SOX5: variants seen among roughly 807,000 people sequenced by gnomAD.
SOX5 encodes SRY-box transcription factor 5, also known as transcription factor SOX-5.
SOX5 carries 9 observed loss-of-function variants against 92.0 expected under a neutral mutation model. The observed-to-expected ratio is 0.10, with a 90% CI of 0.06 to 0.17. The LOEUF is 0.17. Among genes scored for constraint, SOX5 ranks in the 10% least tolerant of loss-of-function variants. The pLI is 1.00. For missense variants in SOX5, 642 were observed against 944.5 expected (o/e 0.68, Z 4.20); for synonymous variants, 344 against 336.3 (o/e 1.02, Z -0.25).
chr12:23,975,408 G>C (rs1368498061), intron 4 of SOX5, among the ~76,000 whole-genome samples: 1 of 151,950 alleles, frequency 6.6e-6, no homozygotes, highest in South Asian at 2.1e-4. Flanking sequence ...AGGGTCCTGT[G>C]TATTCTTCAT....
intron 1 of SOX5, among the ~76,000 whole-genome samples, chr12:24,384,870 A>G (rs144080976): frequency 0.024 from 3,693 of 152,302 alleles, 73 homozygotes; most frequent in East Asian, 0.05. Context: ...GGATGGTTAC[A>G]CAGATTCTGC....
chr12:23,890,805 T>G (rs2097123178), intron 2 of SOX5, among the ~76,000 whole-genome samples: 1 of 146,034 alleles, frequency 6.8e-6, no homozygotes, highest in African/African-American at 2.6e-5. Context: ...GCCTCCAAAG[T>G]CAAGTTGAAA....
chr12:24,415,275 T>C (rs1165044531), intron 1 of SOX5, among the ~76,000 whole-genome samples: 7 of 152,154 alleles, frequency 4.6e-5, no homozygotes, highest in East Asian at 1.9e-4. Flanking sequence ...AGGAAGAAAG[T>C]ATATTAATCC....
chr12:24,511,845 C>G (rs1024932920), intron 1 of SOX5, among the ~76,000 whole-genome samples: 4 of 151,516 alleles, frequency 2.6e-5, no homozygotes, highest in Admixed American at 2.0e-4. Flanking sequence ...GTAGTCCCAG[C>G]TACTCGGGAG....
chr12:24,472,653 G>A (rs900046465), intron 1 of SOX5, among the ~76,000 whole-genome samples: 2 of 152,134 alleles, frequency 1.3e-5, no homozygotes, highest in Non-Finnish European at 2.9e-5. Flanking sequence ...AGCTAACTGT[G>A]TGCATGCTGA....
At chr12:24,029,041 T>C (rs1197465170) in intron 4 of SOX5, among the ~76,000 whole-genome samples, 1 of 151,970 alleles carries the variant, frequency 6.6e-6, no homozygotes, top group Admixed American at 6.6e-5. Context: ...CATATTTTAT[T>C]TTTCTGATTA....
At chr12:23,855,668 AC>A (rs1421334134) in intron 2 of SOX5, among the ~76,000 whole-genome samples, 5 of 152,134 alleles carry the variant, frequency 3.3e-5, no homozygotes, top group Admixed American at 6.6e-5. Flanking sequence ...AAAATATGAA[AC>A]AACAATAGTA....
chr12:23,557,590 G>A (rs1050382894), intron 11 of SOX5, among the ~76,000 whole-genome samples: 19 of 152,134 alleles, frequency 1.2e-4, no homozygotes, highest in Non-Finnish European at 1.8e-4. Context: ...GTGAATATAC[G>A]TTTATAGATT....
intron 3 of SOX5, among the ~76,000 whole-genome samples, chr12:24,239,633 C>T (rs1361092011): frequency 6.6e-6 from 1 of 152,104 alleles, no homozygotes; most frequent in African/African-American, 2.4e-5. Context: ...TATCTGGTCG[C>T]ATTAAACTGA....
intron 4 of SOX5, among the ~76,000 whole-genome samples, chr12:24,116,263 C>G (rs1248249556): frequency 6.6e-6 from 1 of 152,038 alleles, no homozygotes; most frequent in Non-Finnish European, 1.5e-5. Flanking sequence ...GCCTTTGAAA[C>G]TGTTCTCAAA....
chr12:23,728,439 A>AG (rs1318941797), intron 6 of SOX5, among the ~76,000 whole-genome samples: 1 of 152,096 alleles, frequency 6.6e-6, no homozygotes, highest in Non-Finnish European at 1.5e-5. Context: ...GGTCTTGTTG[A>AG]GGGGGGTAAA....
At chr12:24,042,233 T>C (rs1956593165) in intron 4 of SOX5, among the ~76,000 whole-genome samples, 1 of 152,094 alleles carries the variant, frequency 6.6e-6, no homozygotes, top group Non-Finnish European at 1.5e-5. Context: ...AAGTTTTAGG[T>C]AGCCTTGGTA....
intron 8 of SOX5, among the ~76,000 whole-genome samples, chr12:23,605,342 C>T (rs932794952): frequency 6.6e-6 from 1 of 151,440 alleles, no homozygotes; most frequent in Non-Finnish European, 1.5e-5. Flanking sequence ...TCAAATATTA[C>T]ATCAAATATT....
At chr12:23,906,929 C>T (rs981063530) in intron 1 of SOX5, among the ~76,000 whole-genome samples, 4 of 144,420 alleles carry the variant, frequency 2.8e-5, no homozygotes, top group East Asian at 2.6e-4. Flanking sequence ...TATAGACAGC[C>T]GAATAGACAG....
intron 1 of SOX5, among the ~76,000 whole-genome samples, chr12:24,432,595 C>T (rs939176975): frequency 1.3e-5 from 2 of 152,204 alleles, no homozygotes; most frequent in Admixed American, 6.5e-5. Flanking sequence ...CAGCAGATCA[C>T]GAGGTCAGGA....
intron 3 of SOX5, among the ~76,000 whole-genome samples, chr12:23,781,115 G>C (rs1226933094): frequency 6.6e-6 from 1 of 152,026 alleles, no homozygotes; most frequent in African/African-American, 2.4e-5. Flanking sequence ...AATGTTCTAT[G>C]AAGAGACAAC....
chr12:24,436,848 G>A (rs75764956), intron 1 of SOX5, among the ~76,000 whole-genome samples: 4,627 of 152,288 alleles, frequency 0.03, 105 homozygotes, highest in Admixed American at 0.044. Flanking sequence ...GACTCTAAGT[G>A]AAAGCCAACG....
At chr12:23,624,856 G>A (rs2077575677) in intron 8 of SOX5, among the ~76,000 whole-genome samples, 1 of 152,136 alleles carries the variant, frequency 6.6e-6, no homozygotes, top group South Asian at 2.1e-4. Context: ...AAGATAAAAA[G>A]GATCTCACTC....
chr12:24,177,534 T>C (rs1259892897), intron 4 of SOX5, among the ~76,000 whole-genome samples: 5 of 152,210 alleles, frequency 3.3e-5, no homozygotes, highest in African/African-American at 1.2e-4. Flanking sequence ...TCTCTCTACA[T>C]TTTGGACTTA....
Sources: allele counts gnomAD v4.1 joint callset (sites outside exome capture counted in the v4.1 genomes callset), GRCh38; gene constraint gnomAD v4.1.1; transcripts MANE v1.5; gene names NCBI Gene and HGNC (gene_info 2026-07-23, HGNC 2026-07-21).